The following CEP120 variants were observed in gnomAD, a reference collection of about 807,000 sequenced individuals.
CEP120 encodes the protein centrosomal protein 120, also known as centrosomal protein of 120 kDa.
In CEP120, 113 loss-of-function variants were observed where a neutral mutation model predicts 126.5. The observed-to-expected ratio is 0.89, with a 90% CI of 0.77 to 1.04. CEP120 has a LOEUF of 1.04. CEP120 is among the 50% of genes least tolerant of loss of function. The pLI is 0.00. For synonymous variants in CEP120, 400 were observed against 394.3 expected, an observed-to-expected ratio of 1.01 and a Z score of -0.17; for missense variants, 1,230 against 1,155.7, an observed-to-expected ratio of 1.06 and a Z score of -0.93.
intron 1 of CEP120, among the ~76,000 whole-genome samples, chr5:123,419,669 T>C (rs1467283774): frequency 6.6e-6 from 1 of 151,968 alleles, no homozygotes; most frequent in Admixed American, 6.6e-5. Flanking sequence ...TCAAATATTC[T>C]ATCTACACAT....
At chr5:123,414,971 CAAAAAAAAAAAAAAAA>C (rs56756568) in intron 3 of CEP120, among the ~76,000 whole-genome samples, 1 of 40,636 alleles carries the variant, frequency 2.5e-5, no homozygotes, top group South Asian at 1.5e-3. Context: ...GACTCCATCT[CAAAAAAAAAAAAAAAA>C]AAAAAAAAAA....
In CEP120 at chr5:123,391,457, C is replaced by T. The variant is rs1461814024; in HGVS notation, c.811-120G>A. On this transcript the variant is annotated intron_variant, in intron 6 of 19. Coordinates refer to ENST00000306467, the MANE Select transcript of CEP120 (RefSeq NM_001375405.1). ...GAAAGAAAATATTATGCAGGTTATA[C>T]CTCATTGACCTCAAGTGACGAAGTA... is the stretch of plus-strand genomic sequence containing the variant. 1.7e-5 allele frequency: 12 copies of T among 690,680 alleles called. No homozygotes were observed. In the Admixed American group the frequency reaches 1.8e-4, roughly 10 times the overall value. 42.8% of individuals were successfully genotyped at this position (690,680 alleles called of 1,614,324 possible). A position where few individuals can be genotyped will look rare whatever the true frequency, so the allele number is the denominator to read the frequency against.
chr5:123,403,569 C>T (rs1580723466), intron 4 of CEP120: 1 of 321,166 alleles, frequency 3.1e-6, no homozygotes, highest in East Asian at 9.4e-5. Flanking sequence ...TTCTGCCCCA[C>T]AAAAGAGTTA....
intron 11 of CEP120, among the ~76,000 whole-genome samples, chr5:123,384,081 T>C (rs552452965): frequency 3.9e-5 from 6 of 152,226 alleles, no homozygotes; most frequent in African/African-American, 1.4e-4. Flanking sequence ...CTACAAAGTA[T>C]GGCAATAAAA....
At chr5:123,355,849 G>C (rs972856473) in intron 18 of CEP120, among the ~76,000 whole-genome samples, 9 of 150,394 alleles carry the variant, frequency 6.0e-5, no homozygotes, top group African/African-American at 2.2e-4. Flanking sequence ...TGAAGTCCTT[G>C]CCCATGCCTC....
intron 10 of CEP120, 48 bp downstream of exon 10, chr5:123,386,470 A>G: frequency 7.9e-7 from 1 of 1,270,964 alleles, no homozygotes; most frequent in Non-Finnish European, 1.0e-6. Flanking sequence ...CAAATTTTCA[A>G]GAATTGACTT....
intron 16 of CEP120, among the ~76,000 whole-genome samples, chr5:123,375,340 T>G (rs919765920): frequency 6.6e-6 from 1 of 152,058 alleles, no homozygotes; most frequent in Non-Finnish European, 1.5e-5. Flanking sequence ...CTTTTTTTTT[T>G]GAGACACCGT....
chr5:123,422,988 T>G lies in CEP120; in HGVS notation c.11A>C (p.Lys4Thr), dbSNP rs1216445536. 2 of 1,614,126 alleles carry G rather than the reference T, an allele frequency of 1.2e-6. No homozygotes were observed. Among genetic ancestry groups the G allele is most frequent in the Non-Finnish European group, 1.7e-6 (2 of 1,179,992 alleles). ...CACGACGATGAGCAATTGGTCGGAT[T>G]TGGAGACCATGGTTGCGGTGAGCGG... MVS[K>T]SDQLLIVVSI... Residue 4 changes from lysine to threonine, a missense_variant, in exon 1 of 20, where the codon AAA (lysine) becomes ACA (threonine). By Grantham distance (78) the Lys-to-Thr change is moderately conservative. Transcript: ENST00000306467.
rs757533375 is a variant in CEP120 at position 123,346,668 on chromosome 5, C to T, written c.2812G>A (p.Glu938Lys). 6.2e-7 allele frequency: 1 copy of T among 1,613,804 alleles called. No individual in the cohort carries two copies. The highest frequency in any genetic ancestry group is 1.7e-5 in the Admixed American group (1 of 59,928). The stretch of plus-strand genomic sequence containing the variant: ...GTCAAATAATCATCCAAACCTTCTT[C>T]CAATACACTGCCATGGGGGCCATCC... ...KKDGPHGSVLEEGLDDYLTRL... is the reference protein window; with the variant it reads ...KKDGPHGSVLKEGLDDYLTRL... Residue 938 changes from glutamate to lysine, a missense_variant, in exon 20 of 20, where the codon GAA becomes AAA. Coordinates refer to ENST00000306467, the MANE Select transcript of CEP120 (RefSeq NM_001375405.1).
At position 123,346,534 on chromosome 5, in the gene CEP120, G is replaced by C. The variant is rs1768826891; in HGVS notation, c.2946C>G (p.Ser982Arg). Residue 982 changes from serine (S) to arginine (R), a missense_variant, in exon 20 of 20, where the codon AGC (serine) becomes AGG (arginine). Physicochemically the swap from Ser to Arg is moderately radical, Grantham distance 110. Transcript: ENST00000306467. ...CCAAATGTTATTAATTACTGGCATTGCTTTTTGCCAAAATCTCTCTGATCT... is the reference window on the plus strand; with the variant it reads ...CCAAATGTTATTAATTACTGGCATTCCTTTTTGCCAAAATCTCTCTGATCT... ...DRQIREILAK[S>R]NASN 1.9e-6 allele frequency: 3 copies of C among 1,610,106 alleles called. No homozygotes were observed. Among genetic ancestry groups the C allele is most frequent in the African/African-American group, 1.3e-5 (1 of 74,738 alleles).
intron 6 of CEP120, among the ~76,000 whole-genome samples, chr5:123,392,673 A>G (rs1772484014): frequency 6.6e-6 from 1 of 152,068 alleles, no homozygotes; most frequent in African/African-American, 2.4e-5. Context: ...ACTATGTCTA[A>G]GTAATTTTTT....
chr5:123,354,503 T>C (rs1217666309), intron 18 of CEP120, among the ~76,000 whole-genome samples: 1 of 152,112 alleles, frequency 6.6e-6, no homozygotes, highest in Non-Finnish European at 1.5e-5. Context: ...AAATCTTCTA[T>C]CATTATAGAT....
chr5:123,348,558 G>T (rs540570922), intron 19 of CEP120, among the ~76,000 whole-genome samples: 1 of 152,224 alleles, frequency 6.6e-6, no homozygotes, highest in South Asian at 2.1e-4. Flanking sequence ...TTTGCAACTG[G>T]TATTTCTTCA....
At chr5:123,390,658 A>T (rs1772332289) in intron 7 of CEP120, among the ~76,000 whole-genome samples, 1 of 152,240 alleles carries the variant, frequency 6.6e-6, no homozygotes, top group African/African-American at 2.4e-5. Flanking sequence ...AATAAAAAAA[A>T]TACACGGCCA....
At chr5:123,402,255 C>A (rs1422569573) in intron 4 of CEP120, 8 of 1,494,534 alleles carry the variant, frequency 5.4e-6, no homozygotes, top group Non-Finnish European at 6.4e-6. Flanking sequence ...GATGTGGGCA[C>A]CGGGCCCACT....
At chr5:123,422,410 A>G in intron 1 of CEP120, 1 of 1,076,102 alleles carries the variant, frequency 9.3e-7, no homozygotes, top group Non-Finnish European at 1.4e-6. Context: ...CATTCCCAGC[A>G]CAGTGTCTGA....
chr5:123,354,575 G>A (rs1232205471), intron 18 of CEP120, among the ~76,000 whole-genome samples: 1 of 151,832 alleles, frequency 6.6e-6, no homozygotes, highest in East Asian at 1.9e-4. Context: ...TGTGTTACCA[G>A]GTACAAATGT....
rs760158528 is a variant in CEP120, at chr5:123,386,675, TTAAAAA to T, written c.1431-14_1431-9del. The stretch of plus-strand genomic sequence containing the variant: ...AAGAATGGATATGAGTACCTAGAAT[TTAAAAA>T]AAAAAAAAAAAAAAAAAGCCTTAAT... On this transcript the variant is annotated splice_polypyrimidine_tract_variant and intron_variant, in intron 9 of 19. Coordinates refer to ENST00000306467, the MANE Select transcript of CEP120 (RefSeq NM_001375405.1). 871 of 687,040 alleles carry T rather than the reference TTAAAAA, an allele frequency of 1.3e-3. No individual in the cohort carries two copies. The highest frequency in any genetic ancestry group is 3.6e-3 in the Admixed American group (46 of 12,952). 42.6% of individuals were successfully genotyped at this position (687,040 alleles called of 1,614,324 possible).
intron 18 of CEP120, among the ~76,000 whole-genome samples, chr5:123,361,083 C>T (rs1010870756): frequency 6.6e-6 from 1 of 151,778 alleles, no homozygotes. Context: ...CAATAGCTAA[C>T]ACTGTTCCCC....
Sources: gnomAD v4.1 joint callset for allele counts (sites outside exome capture counted in the v4.1 genomes callset) on GRCh38, gnomAD v4.1.1 for gene constraint, MANE v1.5 for transcripts, NCBI Gene and HGNC (gene_info 2026-07-23, HGNC 2026-07-21) for gene names.